MED13L: variants seen among roughly 807,000 people sequenced by gnomAD.
The protein encoded by MED13L is mediator complex subunit 13L.
A neutral mutation model predicts 220.9 loss-of-function variants in MED13L; 7 were observed. The observed-to-expected ratio is 0.03, with a 90% confidence interval of 0.02 to 0.06. MED13L has a LOEUF of 0.06. MED13L is among the 10% of genes least tolerant of loss of function. MED13L has a pLI of 1.00. For synonymous variants in MED13L, 1,011 were observed against 1,015.2 expected, an observed-to-expected ratio of 1.00 and a Z score of 0.08; for missense variants, 1,965 against 2,760.5, an observed-to-expected ratio of 0.71 and a Z score of 6.46.
intron 2 of MED13L, among the ~76,000 whole-genome samples, 177 bp downstream of exon 2, chr12:116,237,291 T>G (rs538567217): frequency 6.6e-6 from 1 of 151,706 alleles, no homozygotes; most frequent in East Asian, 1.9e-4. Context: ...AGGACAAGAG[T>G]TAGGAAAAAA....
intron 3 of MED13L, among the ~76,000 whole-genome samples, chr12:116,105,832 C>T (rs1482550286): frequency 6.6e-6 from 1 of 152,146 alleles, no homozygotes; most frequent in Non-Finnish European, 1.5e-5. Context: ...TGGCCATGTA[C>T]CTTGGGTATC....
intron 4 of MED13L, among the ~76,000 whole-genome samples, chr12:116,089,896 G>T (rs1022266571): frequency 1.3e-5 from 2 of 152,166 alleles, no homozygotes; most frequent in South Asian, 2.1e-4. Context: ...CTTCAGCAAA[G>T]TATGCCAAAT....
At chr12:116,085,805 A>T (rs936060911) in intron 4 of MED13L, among the ~76,000 whole-genome samples, 25 of 151,936 alleles carry the variant, frequency 1.6e-4, no homozygotes, top group African/African-American at 6.0e-4. Flanking sequence ...TAAGAACAGC[A>T]GAATAAACAT....
At chr12:116,100,876 T>G (rs1262247720) in intron 3 of MED13L, among the ~76,000 whole-genome samples, 4 of 152,084 alleles carry the variant, frequency 2.6e-5, no homozygotes, top group Non-Finnish European at 5.9e-5. Context: ...ATGGCACCCC[T>G]GCACCCCAGC....
At chr12:116,017,120 T>C (rs1879772838) in intron 7 of MED13L, among the ~76,000 whole-genome samples, 2 of 152,206 alleles carry the variant, frequency 1.3e-5, no homozygotes, top group African/African-American at 2.4e-5. Flanking sequence ...TGTGTGTTTG[T>C]TTTAAGGAAT....
At position 115,991,132 on chromosome 12, in the gene MED13L, T is replaced by C; in HGVS notation, c.3822A>G (p.Glu1274=). The change falls in exon 17 of 31, where the codon GAA becomes GAG. Residue 1274 remains glutamate, a synonymous_variant. Transcript: ENST00000281928. This position sits in a 1 kb window ranked among gnomAD's most constrained non-coding sequence, Gnocchi z 7.7. ...VQADNNDYWT[E]CFNALEQGRQ... is the part of the protein sequence containing the mutation. Reference sequence around the variant, plus strand: ...GCCCCTGCTCCAACGCATTAAAGCATTCCGTCCAGTAATCATTATTATCTG... The same window carrying C: ...GCCCCTGCTCCAACGCATTAAAGCACTCCGTCCAGTAATCATTATTATCTG... The C allele has an allele frequency of 6.2e-7, 1 of 1,614,184 alleles. No individual in the cohort carries two copies. The highest frequency in any genetic ancestry group is 8.5e-7 in the Non-Finnish European group (1 of 1,180,028).
intron 16 of MED13L, among the ~76,000 whole-genome samples, chr12:115,992,685 A>G (rs1432271021): frequency 6.6e-6 from 1 of 152,232 alleles, no homozygotes; most frequent in Non-Finnish European, 1.5e-5. Context: ...AAGTACACAT[A>G]CTGTATCAGA....
intron 9 of MED13L, among the ~76,000 whole-genome samples, chr12:116,011,997 C>T (rs1879438742): frequency 6.6e-6 from 1 of 152,186 alleles, no homozygotes; most frequent in Non-Finnish European, 1.5e-5. Context: ...GAATGGCCAT[C>T]TTCTAAATAT....
At position 116,117,184 on chromosome 12, in the gene MED13L, T is replaced by C. The variant is rs371205225; in HGVS notation, c.311-5672A>G. 3.8e-4 allele frequency among the ~76,000 whole-genome samples: 58 copies of C among 152,108 alleles called. 3 individuals carry two copies. In the South Asian group the frequency reaches 0.012, roughly 31 times the overall value. On this transcript the variant is annotated intron_variant, in intron 2 of 30. Coordinates refer to ENST00000281928, the MANE Select transcript of MED13L (RefSeq NM_015335.5). ...CATTATGCTAAGTAAAAAGAAGCCA[T>C]ACTCAGACTATGTGCTGTATGATTC...
intron 2 of MED13L, among the ~76,000 whole-genome samples, chr12:116,169,529 T>C (rs1159130218): frequency 6.6e-6 from 1 of 152,192 alleles, no homozygotes; most frequent in African/African-American, 2.4e-5. Flanking sequence ...ACTTTTATGT[T>C]CAATATATAA....
At chr12:116,149,666 A>G (rs1877875266) in intron 2 of MED13L, among the ~76,000 whole-genome samples, 3 of 152,224 alleles carry the variant, frequency 2.0e-5, no homozygotes, top group Admixed American at 2.0e-4. Flanking sequence ...AGGGTGGGTA[A>G]CATTTAGAAT....
chr12:116,065,464 G>A (rs1869848710), intron 4 of MED13L, among the ~76,000 whole-genome samples: 1 of 152,154 alleles, frequency 6.6e-6, no homozygotes, highest in Non-Finnish European at 1.5e-5. Context: ...AATATGATCT[G>A]AAGATAATTT....
At chr12:116,191,384 G>A (rs1431183856) in intron 2 of MED13L, among the ~76,000 whole-genome samples, 1 of 152,094 alleles carries the variant, frequency 6.6e-6, no homozygotes, top group Non-Finnish European at 1.5e-5. Flanking sequence ...AGGCTGGAGT[G>A]AAGCAGCCCA....
intron 1 of MED13L, among the ~76,000 whole-genome samples, chr12:116,269,200 AG>A (rs1433806732): frequency 6.6e-6 from 1 of 152,096 alleles, no homozygotes; most frequent in Non-Finnish European, 1.5e-5. Context: ...CTGGGATTAC[AG>A]GCACACACCA....
chr12:116,007,223 A>C (rs139700238), intron 11 of MED13L, 188 bp downstream of exon 11: 7 of 645,520 alleles, frequency 1.1e-5, no homozygotes, highest in African/African-American at 1.8e-5. Context: ...TTTTAAACAA[A>C]GGTGAGCCAT....
At position 116,210,574 on chromosome 12, in the gene MED13L, T is replaced by C. The variant is rs1882634231; in HGVS notation, c.310+26894A>G. ...ACCTATATATATATATATATATATA[T>C]ATATATATATTTCTATAGTGGTATC... On this transcript the variant is annotated intron_variant, in intron 2 of 30. Coordinates refer to ENST00000281928, the MANE Select transcript of MED13L (RefSeq NM_015335.5). 2.1e-5 allele frequency among the ~76,000 whole-genome samples: 3 copies of C among 144,798 alleles called. No individual in the cohort carries two copies. The South Asian group carries it at 6.5e-4, about 31-fold the overall frequency. 95.0% of individuals were successfully genotyped at this position (144,798 alleles called of 152,430 possible). A position where few individuals can be genotyped will look rare whatever the true frequency, so the allele number is the denominator to read the frequency against.
chr12:116,249,888 C>T (rs185351587), intron 1 of MED13L, among the ~76,000 whole-genome samples: 105 of 151,072 alleles, frequency 7.0e-4, no homozygotes, highest in African/African-American at 1.2e-3. Context: ...CTAACATACA[C>T]GCCATTAACG....
chr12:116,234,403 T>G (rs1869875770), intron 2 of MED13L, among the ~76,000 whole-genome samples: 1 of 151,944 alleles, frequency 6.6e-6, no homozygotes, highest in African/African-American at 2.4e-5. Flanking sequence ...AATTTTTGTT[T>G]ATTTTTACTA....
At chr12:115,983,589 C>A in intron 20 of MED13L, 49 bp from the exon 21 acceptor site, 2 of 1,590,796 alleles carry the variant, frequency 1.3e-6, no homozygotes, top group South Asian at 2.2e-5. Context: ...TCTGCAGTGT[C>A]GGACTGAACC....
Sources: gnomAD v4.1 joint callset for allele counts (sites outside exome capture counted in the v4.1 genomes callset) on GRCh38, gnomAD v4.1.1 for gene constraint, Gnocchi (gnomAD v3.1) non-coding constraint, MANE v1.5 for transcripts, NCBI Gene and HGNC (gene_info 2026-07-23, HGNC 2026-07-21) for gene names.